ARFGEF2: variants seen among roughly 807,000 people sequenced by gnomAD.
ARFGEF2 encodes ARF guanine nucleotide exchange factor 2.
Under a neutral mutation model 219.9 loss-of-function variants are expected in ARFGEF2, and 74 were observed. That is an observed-to-expected ratio of 0.34 (90% CI 0.28 to 0.41). ARFGEF2 has a LOEUF of 0.41. Ranked by LOEUF, ARFGEF2 falls within the 10% of genes least tolerant of loss-of-function variation. ARFGEF2 has a pLI of 1.00. For missense variants in ARFGEF2, 1,743 were observed against 2,218.3 expected, an observed-to-expected ratio of 0.79 and a Z score of 4.30; for synonymous variants, 733 against 799.2, an observed-to-expected ratio of 0.92 and a Z score of 1.40.
Position 48,991,121 on chromosome 20 carries a change from A to G in ARFGEF2, c.2896A>G (p.Lys966Glu). 6.2e-7 allele frequency: 1 copy of G among 1,614,184 alleles called. No homozygotes were observed. The highest frequency in any genetic ancestry group is 8.5e-7 in the Non-Finnish European group (1 of 1,180,036). The stretch of plus-strand genomic sequence containing the variant: ...CTCCAGCATCACAGAAATGAAGCAG[A>G]AAAACATCGACACCATTAAGACGCT... Reference protein sequence around the residue: ...ASSSITEMKQKNIDTIKTLIT... With the variant: ...ASSSITEMKQENIDTIKTLIT... The change falls in exon 21 of 39, where the codon AAA becomes GAA. Residue 966 changes from lysine to glutamate, a missense_variant. Physicochemically the swap from Lys to Glu is moderately conservative, Grantham distance 56. This residue lies in a region of ARFGEF2 where 666 missense variants were observed against 955.4 expected (regional missense o/e 0.70). Coordinates refer to ENST00000371917, the MANE Select transcript of ARFGEF2 (RefSeq NM_006420.3).
intron 16 of ARFGEF2, among the ~76,000 whole-genome samples, chr20:48,986,626 T>C (rs879279448): frequency 3.3e-5 from 5 of 151,762 alleles, no homozygotes; most frequent in Admixed American, 2.0e-4. Flanking sequence ...AAAAAAAAAC[T>C]CATGTTCTCT....
intron 10 of ARFGEF2, 45 bp from the exon 11 acceptor site, chr20:48,972,281 T>C (rs766579736): frequency 1.4e-6 from 2 of 1,421,414 alleles, no homozygotes; most frequent in East Asian, 4.6e-5. Context: ...TGAGCCCTGG[T>C]TGAAACTGTT....
intron 1 of ARFGEF2, among the ~76,000 whole-genome samples, chr20:48,936,715 TG>T (rs1213614450): frequency 2.0e-5 from 3 of 151,944 alleles, no homozygotes; most frequent in Non-Finnish European, 2.9e-5. Context: ...TTAGTAGAGA[TG>T]GGGTTTCTCT....
intron 3 of ARFGEF2, among the ~76,000 whole-genome samples, chr20:48,945,078 G>A (rs2091017643): frequency 6.6e-6 from 1 of 152,088 alleles, no homozygotes; most frequent in African/African-American, 2.4e-5. Flanking sequence ...GAGAGAGCTA[G>A]GTTTCTGGTT....
intron 36 of ARFGEF2, 66 bp downstream of exon 36, chr20:49,025,547 T>G: frequency 6.3e-7 from 1 of 1,588,104 alleles, no homozygotes; most frequent in South Asian, 1.1e-5. Context: ...TTAAAGTGCT[T>G]GGAAAATGCC....
Position 48,988,555 on chromosome 20 carries a change from A to G in ARFGEF2, c.2426A>G (p.Asp809Gly), listed in dbSNP as rs2091339534. Residue 809 changes from aspartate to glycine, a missense_variant, in exon 18 of 39, where the codon GAT (aspartate) becomes GGT (glycine). This residue lies in a region of ARFGEF2 where 666 missense variants were observed against 955.4 expected (regional missense o/e 0.70). Transcript: ENST00000371917. ...AATCGGGGTATCAATGATAGTAAAG[A>G]TCTGCCAGAAGAGTATCTCTCAAGC... ...KMNRGINDSK[D>G]LPEEYLSSIY... The G allele has an allele frequency of 6.2e-7, 1 of 1,613,748 alleles. No homozygotes were observed. Among genetic ancestry groups the G allele is most frequent in the Non-Finnish European group, 8.5e-7 (1 of 1,179,868 alleles).
chr20:48,990,981 G>T, intron 20 of ARFGEF2, 59 bp from the exon 21 acceptor site: 1 of 1,578,536 alleles, frequency 6.3e-7, no homozygotes, highest in Non-Finnish European at 8.6e-7. Context: ...CCCTGCAGAT[G>T]TGAGAATGGC....
intron 37 of ARFGEF2, among the ~76,000 whole-genome samples, chr20:49,030,906 C>T (rs542461825): frequency 4.4e-3 from 670 of 152,260 alleles, no homozygotes; most frequent in Non-Finnish European, 7.8e-3. Context: ...GCAGGAGAAT[C>T]ACTTGAACCC....
intron 27 of ARFGEF2, among the ~76,000 whole-genome samples, chr20:49,010,882 C>T (rs745558793): frequency 5.3e-5 from 8 of 152,318 alleles, no homozygotes; most frequent in Admixed American, 2.0e-4. Context: ...CCAAGGCGCA[C>T]GTTCCCAGTT....
At chr20:48,942,097 A>T (rs2090996537) in intron 3 of ARFGEF2, 110 bp downstream of exon 3, 1 of 1,404,160 alleles carries the variant, frequency 7.1e-7, no homozygotes, top group Non-Finnish European at 9.9e-7. Context: ...GTCAGAGGCG[A>T]TGCAGAAAGG....
In ARFGEF2 at chr20:49,025,443, A is replaced by G. The variant is rs377361134; in HGVS notation, c.4886A>G (p.Asn1629Ser). 1.2e-6 allele frequency: 2 copies of G among 1,614,024 alleles called. No individual in the cohort carries two copies. The highest frequency in any genetic ancestry group is 1.7e-6 in the Non-Finnish European group (2 of 1,179,984). Residue 1629 changes from asparagine (N) to serine (S), a missense_variant, in exon 36 of 39, where the codon AAC (asparagine) becomes AGC (serine). Coordinates refer to ENST00000371917, the MANE Select transcript of ARFGEF2 (RefSeq NM_006420.3). ...QESHSFSKAF[N>S]SNYEQRTVLW... ...TCCCATTCATTCTCAAAGGCCTTCA[A>G]CTCCAATTACGAGCAGCGGACTGTC...
At chr20:49,003,606 A>AAAAATAAAAT (rs138515579) in intron 25 of ARFGEF2, among the ~76,000 whole-genome samples, 11 of 151,990 alleles carry the variant, frequency 7.2e-5, no homozygotes, top group East Asian at 3.9e-4. Context: ...CTCCGTCTCA[A>AAAAATAAAAT]AAAATAAAAT....
intron 36 of ARFGEF2, among the ~76,000 whole-genome samples, chr20:49,026,442 T>C (rs2091603280): frequency 6.6e-6 from 1 of 152,182 alleles, no homozygotes; most frequent in South Asian, 2.1e-4. Flanking sequence ...TTATATTTAC[T>C]TTCCTACCTC....
intron 35 of ARFGEF2, 131 bp from the exon 36 acceptor site, chr20:49,025,182 G>A (rs2123564035): frequency 3.2e-6 from 3 of 924,364 alleles, no homozygotes; most frequent in Non-Finnish European, 5.1e-6. Flanking sequence ...GTTTCAGGGT[G>A]TTGGGGAATA....
chr20:49,016,246 A>G (rs1157456490), intron 30 of ARFGEF2, 34 bp from the exon 31 acceptor site: 2 of 1,611,490 alleles, frequency 1.2e-6, no homozygotes, highest in African/African-American at 1.3e-5. Flanking sequence ...TGCAGGGAGA[A>G]TAGCTTTTAA....
intron 21 of ARFGEF2, among the ~76,000 whole-genome samples, chr20:48,993,301 A>G (rs1258920470): frequency 2.0e-5 from 3 of 152,254 alleles, no homozygotes; most frequent in Non-Finnish European, 2.9e-5. Context: ...GGAACTAATA[A>G]GCCCTTGACC....
chr20:48,981,069 C>G (rs1214660104), intron 14 of ARFGEF2, among the ~76,000 whole-genome samples: 1 of 152,126 alleles, frequency 6.6e-6, no homozygotes, highest in East Asian at 1.9e-4. Context: ...CAGTTTCTTC[C>G]TAGCATCGAT....
intron 1 of ARFGEF2, among the ~76,000 whole-genome samples, chr20:48,935,830 C>T (rs1392869002): frequency 2.3e-5 from 3 of 132,858 alleles, no homozygotes; most frequent in African/African-American, 8.8e-5. Flanking sequence ...GCTGACCCCC[C>T]AACCTCCCTC....
At chr20:48,928,471 T>G (rs1266381440) in intron 1 of ARFGEF2, among the ~76,000 whole-genome samples, 3 of 143,230 alleles carry the variant, frequency 2.1e-5, no homozygotes, top group African/African-American at 7.9e-5. Flanking sequence ...GTGCTGGGAT[T>G]ACAGGCGTGA....
Sources: gnomAD v4.1 joint callset for allele counts (sites outside exome capture counted in the v4.1 genomes callset) on GRCh38, gnomAD v4.1.1 for gene constraint, gnomAD v4.1.1 regional missense constraint, MANE v1.5 for transcripts, NCBI Gene and HGNC (gene_info 2026-07-23, HGNC 2026-07-21) for gene names.